Variants in KCNH1 observed in about 807,000 individuals in gnomAD.
KCNH1 encodes the protein voltage-gated delayed rectifier potassium channel KCNH1.
KCNH1 carries 27 observed loss-of-function variants against 69.2 expected under a neutral mutation model. The observed-to-expected ratio is 0.39, with a 90% CI of 0.29 to 0.54. KCNH1 has a LOEUF of 0.54. KCNH1 is among the 20% of genes least tolerant of loss of function. The probability of loss-of-function intolerance (pLI) is 0.68; values close to 1 mark genes in which losing one functional copy is unlikely to be tolerated. For missense variants in KCNH1, 798 were observed against 1,261.6 expected, an observed-to-expected ratio of 0.63 and a Z score of 5.57; for synonymous variants, 456 against 487.7, an observed-to-expected ratio of 0.93 and a Z score of 0.86.
intron 1 of KCNH1, among the ~76,000 whole-genome samples, chr1:211,109,910 G>A (rs1691426743): frequency 6.6e-6 from 1 of 150,894 alleles, no homozygotes; most frequent in Non-Finnish European, 1.5e-5. Context: ...AAAAAAATAA[G>A]GGAACAAGAA....
At chr1:210,928,743 G>A (rs1418232839) in intron 6 of KCNH1, among the ~76,000 whole-genome samples, 1 of 151,864 alleles carries the variant, frequency 6.6e-6, no homozygotes, top group Non-Finnish European at 1.5e-5. Flanking sequence ...AAGATGAAAA[G>A]AAAAGATGGT....
chr1:210,841,877 A>G (rs1685420437), intron 7 of KCNH1, among the ~76,000 whole-genome samples: 1 of 152,132 alleles, frequency 6.6e-6, no homozygotes, highest in East Asian at 1.9e-4. Flanking sequence ...TTGTCTTTCA[A>G]TCCCATGCAC....
intron 7 of KCNH1, among the ~76,000 whole-genome samples, chr1:210,844,551 C>A (rs559453822): frequency 6.6e-6 from 1 of 152,120 alleles, no homozygotes; most frequent in South Asian, 2.1e-4. Flanking sequence ...CACAACATAC[C>A]AGAATCTCTG....
At position 211,090,617 on chromosome 1, in the gene KCNH1, G is replaced by T. The variant is rs755083989; in HGVS notation, c.384C>A (p.Cys128Ter). 1 of 1,609,776 alleles carries T rather than the reference G, an allele frequency of 6.2e-7. No homozygotes were observed. Among genetic ancestry groups the T allele is most frequent in the Non-Finnish European group, 8.5e-7 (1 of 1,179,046 alleles). ...NEQDKVVLFL[C>*]TFSDITAFKQ... ...TGAAAGCTGTTATGTCACTGAAAGT[G>T]CAAAGAAATAAAACCACTTTATCCT... The change falls in exon 4 of 11, where the codon TGC (cysteine) becomes TGA (stop). Residue 128 changes from cysteine (C) to a stop codon, truncating the protein, a stop_gained. Coordinates refer to ENST00000271751, the MANE Select transcript of KCNH1 (RefSeq NM_172362.3). LOFTEE classifies it high-confidence loss of function.
At chr1:210,897,850 G>C (rs1686904103) in intron 7 of KCNH1, among the ~76,000 whole-genome samples, 1 of 152,192 alleles carries the variant, frequency 6.6e-6, no homozygotes, top group Non-Finnish European at 1.5e-5. Flanking sequence ...GGCAGAAGCA[G>C]GAAGAGAGCG....
chr1:210,867,055 G>A (rs1458989345), intron 7 of KCNH1, among the ~76,000 whole-genome samples: 1 of 151,968 alleles, frequency 6.6e-6, no homozygotes, highest in East Asian at 1.9e-4. Context: ...GAAGTGTCCA[G>A]AACAGGTAAA....
At chr1:211,126,508 T>A (rs1288220853) in intron 1 of KCNH1, among the ~76,000 whole-genome samples, 2 of 133,406 alleles carry the variant, frequency 1.5e-5, no homozygotes, top group Non-Finnish European at 3.2e-5. Flanking sequence ...AGACTCTGTC[T>A]CCAAAAAAAA....
chr1:210,909,941 C>G (rs1226007799), intron 7 of KCNH1, among the ~76,000 whole-genome samples: 1 of 152,212 alleles, frequency 6.6e-6, no homozygotes, highest in East Asian at 1.9e-4. Flanking sequence ...AAAATCAAGT[C>G]TGCATCTCAG....
At chr1:210,861,577 T>A (rs1685979294) in intron 7 of KCNH1, 4 of 772,180 alleles carry the variant, frequency 5.2e-6, no homozygotes, top group Non-Finnish European at 9.7e-6. Context: ...CTACCCATTC[T>A]GTCAGGTTCT....
intron 10 of KCNH1, among the ~76,000 whole-genome samples, chr1:210,772,060 C>G (rs1352436698): frequency 6.6e-6 from 1 of 152,172 alleles, no homozygotes; most frequent in Non-Finnish European, 1.5e-5. Context: ...AATACAGAGG[C>G]TAGAGTAGAA....
At chr1:210,900,371 CT>C (rs1386432117) in intron 7 of KCNH1, among the ~76,000 whole-genome samples, 1 of 152,170 alleles carries the variant, frequency 6.6e-6, no homozygotes, top group Non-Finnish European at 1.5e-5. Flanking sequence ...TTTACAAGTT[CT>C]TTTTGTTGGT....
intron 10 of KCNH1, among the ~76,000 whole-genome samples, chr1:210,751,315 C>A (rs1274460976): frequency 1.3e-5 from 2 of 152,130 alleles, no homozygotes; most frequent in East Asian, 3.9e-4. Flanking sequence ...GCTGGGAGGG[C>A]TGTGCAGGGA....
intron 7 of KCNH1, among the ~76,000 whole-genome samples, chr1:210,854,511 G>A (rs998789517): frequency 6.6e-6 from 1 of 152,216 alleles, no homozygotes; most frequent in Non-Finnish European, 1.5e-5. Context: ...AGCTTTGGGA[G>A]CATCTCTGAA....
intron 6 of KCNH1, among the ~76,000 whole-genome samples, chr1:210,977,125 T>C (rs1424586266): frequency 2.6e-5 from 4 of 152,190 alleles, no homozygotes; most frequent in Non-Finnish European, 5.9e-5. Flanking sequence ...TGAAAAAGGA[T>C]GAGTTCATGT....
At chr1:210,855,531 T>C (rs1685815126) in intron 7 of KCNH1, among the ~76,000 whole-genome samples, 1 of 152,158 alleles carries the variant, frequency 6.6e-6, no homozygotes, top group Admixed American at 6.5e-5. Flanking sequence ...TTGACCATAT[T>C]CTCCTTCTTT....
chr1:210,988,385 G>A (rs1419817963), intron 6 of KCNH1, among the ~76,000 whole-genome samples: 1 of 152,188 alleles, frequency 6.6e-6, no homozygotes, highest in African/African-American at 2.4e-5. Flanking sequence ...CACACTGGGA[G>A]CTGTAGACTG....
chr1:211,124,646 C>T (rs758892420), intron 1 of KCNH1, among the ~76,000 whole-genome samples: 4 of 152,014 alleles, frequency 2.6e-5, no homozygotes, highest in Non-Finnish European at 5.9e-5. Flanking sequence ...GAGAGAGAGA[C>T]CACTTTATCC....
At chr1:210,986,382 T>A (rs959242630) in intron 6 of KCNH1, among the ~76,000 whole-genome samples, 1 of 152,216 alleles carries the variant, frequency 6.6e-6, no homozygotes, top group Non-Finnish European at 1.5e-5. Context: ...CTAGCCTTGA[T>A]GGTCTTTACA....
At chr1:210,839,239 ATG>A (rs905328009) in intron 7 of KCNH1, among the ~76,000 whole-genome samples, 1 of 152,220 alleles carries the variant, frequency 6.6e-6, no homozygotes, top group African/African-American at 2.4e-5. Flanking sequence ...GTTAAAAGGA[ATG>A]AGATAGTGTC....
Sources: allele counts gnomAD v4.1 joint callset (sites outside exome capture counted in the v4.1 genomes callset), GRCh38; gene constraint gnomAD v4.1.1; transcripts MANE v1.5; gene names NCBI Gene and HGNC (gene_info 2026-07-23, HGNC 2026-07-21).